Variants in GOLM2 observed in about 807,000 individuals in gnomAD.
GOLM2 encodes the protein golgi membrane protein 2, also known as protein GOLM2.
In GOLM2, 26 loss-of-function variants were observed where a neutral mutation model predicts 55.9. That is an observed-to-expected ratio of 0.47 (90% confidence interval 0.34 to 0.65). The LOEUF (loss-of-function observed/expected upper bound fraction) is 0.65. GOLM2 is among the 30% of genes least tolerant of loss of function. The pLI, the probability that GOLM2 is intolerant of heterozygous loss-of-function variation, is 0.01. For synonymous variants in GOLM2, 165 were observed against 194.6 expected, an observed-to-expected ratio of 0.85 and a Z score of 1.27; for missense variants, 486 against 531.8, an observed-to-expected ratio of 0.91 and a Z score of 0.85.
At chr15:44,342,431 T>C (rs187985906) in intron 6 of GOLM2, among the ~76,000 whole-genome samples, 16 of 152,042 alleles carry the variant, frequency 1.1e-4, no homozygotes, top group African/African-American at 3.6e-4. Flanking sequence ...ATCCAGCTAA[T>C]TTTATTGTTG....
rs539484121 is a variant in GOLM2 at position 44,406,047 on chromosome 15, G to C, written c.1240+2993G>C. Among the ~76,000 whole-genome samples the C allele has an allele frequency of 4.6e-5, 7 of 152,310 alleles. No individual in the cohort carries two copies. The East Asian group carries it at 1.2e-3, about 25-fold the overall frequency. ...ATTACTGTGCCAATGTGGAAGTAAT[G>C]GTTGGGTTCCCAGTATGGTTTGCAC... On this transcript the variant is annotated intron_variant, in intron 9 of 9. Coordinates refer to ENST00000299957, the MANE Select transcript of GOLM2 (RefSeq NM_138423.4).
intron 6 of GOLM2, among the ~76,000 whole-genome samples, chr15:44,376,282 T>G (rs1280219655): frequency 6.6e-6 from 1 of 152,092 alleles, no homozygotes; most frequent in Non-Finnish European, 1.5e-5. Context: ...CTATGTTGTT[T>G]CTTGTTTTTA....
chr15:44,321,570 T>C (rs887427377), intron 1 of GOLM2, among the ~76,000 whole-genome samples: 1 of 152,090 alleles, frequency 6.6e-6, no homozygotes, highest in African/African-American at 2.4e-5. Context: ...TATACAAATC[T>C]GCACATATTT....
At chr15:44,325,569 C>A (rs759280282) in intron 2 of GOLM2, among the ~76,000 whole-genome samples, 1 of 152,050 alleles carries the variant, frequency 6.6e-6, no homozygotes, top group Non-Finnish European at 1.5e-5. Flanking sequence ...CCCTTTTTCC[C>A]GAGGAGAATG....
intron 6 of GOLM2, among the ~76,000 whole-genome samples, chr15:44,374,573 C>T (rs563396854): frequency 5.3e-5 from 8 of 152,236 alleles, no homozygotes; most frequent in Admixed American, 4.6e-4. Context: ...CATGGTTCTG[C>T]GGGCTGTACA....
chr15:44,310,543 C>A (rs184035684), intron 1 of GOLM2, among the ~76,000 whole-genome samples: 37 of 149,928 alleles, frequency 2.5e-4, no homozygotes, highest in Admixed American at 8.6e-4. Flanking sequence ...TTCAGATAGC[C>A]AGGTGTGGTG....
chr15:44,337,482 T>A (rs1437303670), intron 4 of GOLM2, among the ~76,000 whole-genome samples: 1 of 152,054 alleles, frequency 6.6e-6, no homozygotes, highest in African/African-American at 2.4e-5. Context: ...CAGGCTGTCT[T>A]GCAGAATCAC....
chr15:44,307,053 CAT>C (rs538968476), intron 1 of GOLM2, among the ~76,000 whole-genome samples: 48 of 152,050 alleles, frequency 3.2e-4, no homozygotes, highest in Admixed American at 1.8e-3. Context: ...GAAGTGAGCA[CAT>C]GTTATTGGAA....
At chr15:44,328,875 G>T in intron 3 of GOLM2, 88 bp downstream of exon 3, 1 of 833,444 alleles carries the variant, frequency 1.2e-6, no homozygotes, top group Non-Finnish European at 1.8e-6. Context: ...TCTGACTTTT[G>T]TTTCCCTTTT....
chr15:44,332,104 C>A, intron 4 of GOLM2, 26 bp downstream of exon 4: 2 of 1,072,902 alleles, frequency 1.9e-6, no homozygotes, highest in Non-Finnish European at 1.4e-6. Context: ...ATACTTAAAT[C>A]CAAATATTTT....
At chr15:44,298,052 A>G (rs949714782) in intron 1 of GOLM2, among the ~76,000 whole-genome samples, 2 of 148,372 alleles carry the variant, frequency 1.3e-5, no homozygotes, top group African/African-American at 5.0e-5. Flanking sequence ...TGTATTTTTA[A>G]TAGAGATGGG....
chr15:44,364,429 G>GGGA (rs2079268275), intron 6 of GOLM2, among the ~76,000 whole-genome samples: 1 of 152,256 alleles, frequency 6.6e-6, no homozygotes, highest in African/African-American at 2.4e-5. Flanking sequence ...CCAGCACTTT[G>GGGA]GGAGGCTGAG....
intron 8 of GOLM2, among the ~76,000 whole-genome samples, chr15:44,401,020 C>A (rs1160653194): frequency 2.0e-5 from 3 of 152,144 alleles, no homozygotes; most frequent in African/African-American, 7.2e-5. Context: ...CCCCAGAATT[C>A]TATTTGTACT....
chr15:44,404,031 G>A (rs2079582624), intron 9 of GOLM2, among the ~76,000 whole-genome samples: 1 of 152,160 alleles, frequency 6.6e-6, no homozygotes, highest in Non-Finnish European at 1.5e-5. Context: ...ACCCATGCAT[G>A]CATATCAGAG....
intron 1 of GOLM2, among the ~76,000 whole-genome samples, chr15:44,321,827 G>C (rs2078951870): frequency 6.6e-6 from 1 of 152,122 alleles, no homozygotes. Context: ...GCCAGCAGGA[G>C]AATCACTTGA....
chr15:44,403,154 T>A, intron 9 of GOLM2, 100 bp downstream of exon 9: 1 of 1,370,774 alleles, frequency 7.3e-7, no homozygotes, highest in Non-Finnish European at 1.0e-6. Flanking sequence ...AGTGGCAGTG[T>A]AACCTAAATT....
chr15:44,327,973 A>T (rs981267559), intron 2 of GOLM2, among the ~76,000 whole-genome samples: 17 of 152,232 alleles, frequency 1.1e-4, no homozygotes, highest in African/African-American at 4.1e-4. Context: ...CTATGTTGGT[A>T]GTCGAATGTG....
chr15:44,398,912 C>A (rs1420790090), intron 8 of GOLM2, among the ~76,000 whole-genome samples: 12 of 151,934 alleles, frequency 7.9e-5, no homozygotes, highest in Non-Finnish European at 2.9e-5. Flanking sequence ...TGGTGATCCA[C>A]CCACCTCGGC....
chr15:44,331,910 T>C (rs1050826015), intron 3 of GOLM2, 78 bp from the exon 4 acceptor site: 15 of 953,326 alleles, frequency 1.6e-5, no homozygotes, highest in Non-Finnish European at 2.5e-5. Flanking sequence ...ATCTTTCTTA[T>C]GTATGTGTCA....
Sources: allele counts gnomAD v4.1 joint callset (sites outside exome capture counted in the v4.1 genomes callset), GRCh38; gene constraint gnomAD v4.1.1; transcripts MANE v1.5; gene names NCBI Gene and HGNC (gene_info 2026-07-23, HGNC 2026-07-21).